The following MALRD1 variants were observed in gnomAD, a reference collection of about 807,000 sequenced individuals.
The protein encoded by MALRD1 is MAM and LDL-receptor class A domain-containing protein 1.
In MALRD1, 247 loss-of-function variants were observed where a neutral mutation model predicts 242.1. That is an observed-to-expected ratio of 1.02 (90% CI 0.92 to 1.13). The LOEUF (loss-of-function observed/expected upper bound fraction) is 1.13. MALRD1 is among the 50% of genes most tolerant of loss of function. MALRD1 has a pLI of 0.00. For missense variants in MALRD1, 2,989 were observed against 2,533.1 expected, an observed-to-expected ratio of 1.18 and a Z score of -3.86; for synonymous variants, 995 against 866.6, an observed-to-expected ratio of 1.15 and a Z score of -2.60.
At chr10:19,455,926 C>T (rs948728450) in intron 29 of MALRD1, among the ~76,000 whole-genome samples, 1 of 152,086 alleles carries the variant, frequency 6.6e-6, no homozygotes, top group Non-Finnish European at 1.5e-5. Flanking sequence ...TCTCCTTCCC[C>T]AGTGTGTTCC....
chr10:19,414,663 G>A (rs1833432400), intron 28 of MALRD1, among the ~76,000 whole-genome samples: 2 of 152,132 alleles, frequency 1.3e-5, no homozygotes, highest in Admixed American at 1.3e-4. Flanking sequence ...GGATGTAATA[G>A]TGACTTCACG....
Position 19,238,481 on chromosome 10 carries a change from C to CATAATGTAT in MALRD1, c.2992-19201_2992-19200insAATGTATAT, listed in dbSNP as rs1838553388. Among the ~76,000 whole-genome samples the CATAATGTAT allele has an allele frequency of 4.9e-4, 8 of 16,174 alleles. 2 individuals are homozygous for CATAATGTAT. In the South Asian group the frequency reaches 0.018, roughly 36 times the overall value. The allele number at this position is 16,174 out of a possible 152,430, so 10.6% of individuals were successfully genotyped here. On this transcript the variant is annotated intron_variant, in intron 18 of 39. Coordinates refer to ENST00000454679, the MANE Select transcript of MALRD1 (RefSeq NM_001142308.3). Reference sequence around the variant, plus strand: ...AATATATAATATAATATATAATATACATTATATATAATATATAATATAATA... The same window carrying CATAATGTAT: ...AATATATAATATAATATATAATATACATAATGTATATTATATATAATATATAATATAATA...
chr10:19,113,920 C>A lies in MALRD1; in HGVS notation c.695-9572C>A, dbSNP rs544690579. ...GGCATAGTTCCTACCCTGTCTAATT[C>A]ATTTGTGGACCCTAGAACAGAACAA... is the stretch of plus-strand genomic sequence containing the variant. On this transcript the variant is annotated intron_variant, in intron 5 of 39. Coordinates refer to ENST00000454679, the MANE Select transcript of MALRD1 (RefSeq NM_001142308.3). 5.3e-5 allele frequency among the ~76,000 whole-genome samples: 8 copies of A among 152,158 alleles called. No homozygotes were observed. The South Asian group carries it at 1.7e-3, about 32-fold the overall frequency.
At chr10:19,706,702 C>G (rs1180784056) in intron 38 of MALRD1, among the ~76,000 whole-genome samples, 1 of 152,036 alleles carries the variant, frequency 6.6e-6, no homozygotes, top group African/African-American at 2.4e-5. Context: ...GTCTCCCTCT[C>G]AGATCCACCC....
chr10:19,663,511 T>A (rs1294594329), intron 36 of MALRD1, among the ~76,000 whole-genome samples: 1 of 152,168 alleles, frequency 6.6e-6, no homozygotes, highest in Admixed American at 6.6e-5. Context: ...CTTTTTTTAA[T>A]GTAATGGCTT....
At chr10:19,490,868 G>A (rs1385410010) in intron 29 of MALRD1, among the ~76,000 whole-genome samples, 1 of 152,000 alleles carries the variant, frequency 6.6e-6, no homozygotes, top group Non-Finnish European at 1.5e-5. Context: ...ATAAAATAGT[G>A]TTAGTTCTCT....
intron 29 of MALRD1, among the ~76,000 whole-genome samples, chr10:19,456,562 C>T (rs1835659385): frequency 6.6e-6 from 1 of 152,096 alleles, no homozygotes; most frequent in Non-Finnish European, 1.5e-5. Context: ...TAGAGTTTAA[C>T]TTCAGAACTT....
intron 5 of MALRD1, among the ~76,000 whole-genome samples, chr10:19,117,080 G>A (rs147592998): frequency 6.7e-6 from 1 of 148,180 alleles, no homozygotes; most frequent in African/African-American, 2.5e-5. Context: ...GGGCAACAGA[G>A]TGAGACTCTG....
intron 34 of MALRD1, among the ~76,000 whole-genome samples, chr10:19,604,747 T>C (rs908325609): frequency 4.6e-5 from 7 of 152,272 alleles, no homozygotes; most frequent in African/African-American, 1.7e-4. Context: ...ACTAAATATT[T>C]TCTAGTTATT....
intron 24 of MALRD1, among the ~76,000 whole-genome samples, chr10:19,334,806 T>C (rs1843531090): frequency 1.3e-5 from 2 of 152,160 alleles, no homozygotes; most frequent in South Asian, 2.1e-4. Context: ...CCTTAAATAT[T>C]ACACAAATAA....
chr10:19,068,123 C>T (rs565982328), intron 2 of MALRD1, among the ~76,000 whole-genome samples: 3 of 151,894 alleles, frequency 2.0e-5, no homozygotes, highest in Admixed American at 6.6e-5. Flanking sequence ...ATATGTCTCT[C>T]CTTTGTTTCT....
chr10:19,252,185 C>G (rs997552694), intron 18 of MALRD1, among the ~76,000 whole-genome samples: 1 of 152,016 alleles, frequency 6.6e-6, no homozygotes, highest in African/African-American at 2.4e-5. Flanking sequence ...ATAGGGAGGA[C>G]TAGTGTCTGC....
Position 19,595,217 on chromosome 10 carries a change from C to T in MALRD1, c.5704C>T (p.Pro1902Ser). 1 of 1,550,034 alleles carries T rather than the reference C, an allele frequency of 6.5e-7. No individual in the cohort carries two copies. Among genetic ancestry groups the T allele is most frequent in the South Asian group, 1.2e-5 (1 of 83,990 alleles). ...AGGTCCTGTCCCAGTGCAGCCATCA[C>T]CCTGTGAAGCTGATCAGTTTTCTTG... Reference protein sequence around the residue: ...TGGPVPVQPSPCEADQFSCIY... With the variant: ...TGGPVPVQPSSCEADQFSCIY... The change falls in exon 34 of 40, where the codon CCC (proline) becomes TCC (serine). Residue 1902 changes from proline (P) to serine (S), a missense_variant. Coordinates refer to ENST00000454679, the MANE Select transcript of MALRD1 (RefSeq NM_001142308.3).
intron 21 of MALRD1, among the ~76,000 whole-genome samples, chr10:19,288,267 G>T (rs568046752): frequency 6.6e-6 from 1 of 151,862 alleles, no homozygotes; most frequent in African/African-American, 2.4e-5. Context: ...TGGAGAGCAG[G>T]GTACCCATCC....
intron 29 of MALRD1, among the ~76,000 whole-genome samples, chr10:19,464,224 C>T (rs183113257): frequency 6.6e-6 from 1 of 152,124 alleles, no homozygotes; most frequent in Admixed American, 6.5e-5. Flanking sequence ...TTTAGTCCCA[C>T]CTGTTTATCT....
intron 1 of MALRD1, among the ~76,000 whole-genome samples, chr10:19,066,418 T>G (rs1466266601): frequency 6.6e-6 from 1 of 152,192 alleles, no homozygotes; most frequent in Non-Finnish European, 1.5e-5. Context: ...TTGCTATGGT[T>G]GAATAGTTAA....
intron 38 of MALRD1, among the ~76,000 whole-genome samples, chr10:19,708,636 G>A (rs1239039383): frequency 8.6e-6 from 1 of 115,748 alleles, no homozygotes; most frequent in African/African-American, 2.7e-5. Context: ...CTGAGCCGCC[G>A]TGCCTGGCCA....
chr10:19,108,387 C>CTT (rs35948766), intron 5 of MALRD1, among the ~76,000 whole-genome samples: 214 of 19,770 alleles, frequency 0.011, 98 homozygotes, highest in Non-Finnish European at 0.014. Flanking sequence ...ATTGTTTTTT[C>CTT]TTTTTTTTTT....
At chr10:19,631,223 T>C (rs1264004894) in intron 36 of MALRD1, among the ~76,000 whole-genome samples, 2 of 152,174 alleles carry the variant, frequency 1.3e-5, no homozygotes, top group Non-Finnish European at 2.9e-5. Context: ...TAGCTCCCAC[T>C]TATAAGTGAG....
Sources: allele counts gnomAD v4.1 joint callset (sites outside exome capture counted in the v4.1 genomes callset), GRCh38; gene constraint gnomAD v4.1.1; transcripts MANE v1.5; gene names NCBI Gene and HGNC (gene_info 2026-07-23, HGNC 2026-07-21).